The following DLGAP2 variants were observed in gnomAD, a reference collection of about 807,000 sequenced individuals.
DLGAP2 encodes the protein disks large-associated protein 2.
In DLGAP2, 26 loss-of-function variants were observed where a neutral mutation model predicts 100.3. That is an observed-to-expected ratio of 0.26 (90% CI 0.19 to 0.36). The LOEUF (loss-of-function observed/expected upper bound fraction) is 0.36. Ranked by LOEUF, DLGAP2 falls within the 10% of genes least tolerant of loss-of-function variation. The probability of loss-of-function intolerance (pLI) is 1.00; values close to 1 mark genes in which losing one functional copy is unlikely to be tolerated. For synonymous variants in DLGAP2, 886 were observed against 630.1 expected (o/e 1.41, Z -6.08); for missense variants, 1,858 against 1,453.2 (o/e 1.28, Z -4.53).
chr8:1,364,502 C>CGGG (rs139560352), intron 3 of DLGAP2, among the ~76,000 whole-genome samples: 98 of 141,570 alleles, frequency 6.9e-4, no homozygotes, highest in Middle Eastern at 3.6e-3. Flanking sequence ...ATGGGAAGGG[C>CGGG]GGGGGGGGTG....
At chr8:1,355,304 G>C (rs1801822633) in intron 3 of DLGAP2, among the ~76,000 whole-genome samples, 1 of 152,234 alleles carries the variant, frequency 6.6e-6, no homozygotes, top group South Asian at 2.1e-4. Context: ...GGTTGTCTCT[G>C]GGTGGTGAGA....
chr8:955,707 A>G (rs185959344), intron 2 of DLGAP2, among the ~76,000 whole-genome samples: 147 of 152,240 alleles, frequency 9.7e-4, no homozygotes, highest in Admixed American at 8.8e-3. Flanking sequence ...TATTATCCCA[A>G]CTTCCTCAAA....
chr8:1,676,758 T>C lies in DLGAP2; in HGVS notation c.2288+140T>C, dbSNP rs936279335. On this transcript the variant is annotated intron_variant, in intron 11 of 14. Transcript: ENST00000637795. ...AGGGCCATACGTTTATACTTTTCCA[T>C]TGATAACCCTCAAGTATGAATTAAC... 5.0e-6 allele frequency: 4 copies of C among 804,562 alleles called. No individual in the cohort carries two copies. In the African/African-American group the frequency reaches 6.9e-5, roughly 14 times the overall value. 49.8% of individuals were successfully genotyped at this position (804,562 alleles called of 1,614,324 possible). A position where few individuals can be genotyped will look rare whatever the true frequency, so the allele number is the denominator to read the frequency against.
intron 3 of DLGAP2, among the ~76,000 whole-genome samples, chr8:1,478,666 A>T (rs1035521578): frequency 2.0e-5 from 3 of 151,732 alleles, no homozygotes; most frequent in Non-Finnish European, 1.5e-5. Flanking sequence ...GACACCGGAG[A>T]TGCCCAGGGC....
chr8:744,990 AT>A (rs556351763), intron 1 of DLGAP2, among the ~76,000 whole-genome samples: 2 of 152,326 alleles, frequency 1.3e-5, no homozygotes, highest in Admixed American at 1.3e-4. Flanking sequence ...AGCCCAGGCC[AT>A]CCCCACACCT....
chr8:1,368,445 G>T (rs1314159723), intron 3 of DLGAP2, among the ~76,000 whole-genome samples: 4 of 152,128 alleles, frequency 2.6e-5, no homozygotes, highest in African/African-American at 9.7e-5. Context: ...GCCACACGGG[G>T]AGCTGTGGGC....
intron 2 of DLGAP2, among the ~76,000 whole-genome samples, chr8:1,250,745 C>A (rs1477879019): frequency 6.6e-6 from 1 of 152,082 alleles, no homozygotes; most frequent in Non-Finnish European, 1.5e-5. Flanking sequence ...TGGAATGAGA[C>A]TTGAGTTTGA....
intron 2 of DLGAP2, among the ~76,000 whole-genome samples, chr8:1,180,344 C>T (rs754306723): frequency 6.6e-6 from 1 of 152,208 alleles, no homozygotes; most frequent in Non-Finnish European, 1.5e-5. Flanking sequence ...CCCTGGCCAC[C>T]AGAAGCACGC....
intron 1 of DLGAP2, chr8:738,099 G>A (rs1488021171): frequency 7.9e-6 from 2 of 253,744 alleles, no homozygotes; most frequent in Non-Finnish European, 1.5e-5. Context: ...GGGGGTGCGG[G>A]AGCGCACGGG....
At chr8:1,182,655 G>A (rs928921130) in intron 2 of DLGAP2, among the ~76,000 whole-genome samples, 2 of 152,206 alleles carry the variant, frequency 1.3e-5, no homozygotes, top group Non-Finnish European at 2.9e-5. Flanking sequence ...ACCTCTGCGT[G>A]GTGAGTTGGG....
At chr8:1,449,125 T>G (rs1436201318) in intron 3 of DLGAP2, among the ~76,000 whole-genome samples, 1 of 152,182 alleles carries the variant, frequency 6.6e-6, no homozygotes, top group Non-Finnish European at 1.5e-5. Context: ...TTAATTCCTG[T>G]TCTCTTTCCT....
At chr8:1,205,547 C>G (rs927550662) in intron 2 of DLGAP2, among the ~76,000 whole-genome samples, 1 of 152,190 alleles carries the variant, frequency 6.6e-6, no homozygotes, top group African/African-American at 2.4e-5. Flanking sequence ...GTGGCGTCTG[C>G]TCTTAGGAAG....
intron 2 of DLGAP2, among the ~76,000 whole-genome samples, chr8:1,075,206 G>A (rs1803567752): frequency 6.6e-6 from 1 of 152,184 alleles, no homozygotes; most frequent in South Asian, 2.1e-4. Context: ...AAAGCTCTAG[G>A]GGAGGTTCTG....
intron 2 of DLGAP2, among the ~76,000 whole-genome samples, chr8:1,096,500 C>T (rs1249472558): frequency 3.3e-5 from 5 of 151,464 alleles, no homozygotes; most frequent in Admixed American, 6.6e-5. Flanking sequence ...AGGGACTCAT[C>T]AAGCTCTGTG....
intron 2 of DLGAP2, among the ~76,000 whole-genome samples, chr8:1,053,719 G>A (rs1247266925): frequency 1.3e-5 from 2 of 152,174 alleles, no homozygotes; most frequent in Admixed American, 1.3e-4. Context: ...GCAGAATGTT[G>A]CCATAACAAC....
At chr8:1,466,063 C>T (rs779049747) in intron 3 of DLGAP2, among the ~76,000 whole-genome samples, 4 of 152,100 alleles carry the variant, frequency 2.6e-5, no homozygotes, top group South Asian at 2.1e-4. Flanking sequence ...ATCGTGACAG[C>T]GCCGTCTGCT....
chr8:1,010,950 AC>A (rs958553204), intron 2 of DLGAP2, among the ~76,000 whole-genome samples: 3 of 146,216 alleles, frequency 2.1e-5, no homozygotes, highest in Non-Finnish European at 4.5e-5. Flanking sequence ...TACACAGTGA[AC>A]CCCGGGCGAG....
intron 3 of DLGAP2, among the ~76,000 whole-genome samples, chr8:1,316,427 T>C (rs1800751040): frequency 7.6e-6 from 1 of 131,672 alleles, no homozygotes. Context: ...GTGCAGCGTC[T>C]CTCCAACAGT....
At chr8:949,968 C>T (rs1799436925) in intron 2 of DLGAP2, among the ~76,000 whole-genome samples, 1 of 152,170 alleles carries the variant, frequency 6.6e-6, no homozygotes, top group Admixed American at 6.5e-5. Flanking sequence ...GCTTTTAGTA[C>T]ATTTTCAAAG....
Sources: allele counts gnomAD v4.1 joint callset (sites outside exome capture counted in the v4.1 genomes callset), GRCh38; gene constraint gnomAD v4.1.1; transcripts MANE v1.5; gene names NCBI Gene and HGNC (gene_info 2026-07-23, HGNC 2026-07-21).